Variants in DOCK7 observed in about 807,000 individuals in gnomAD.
DOCK7 encodes dedicator of cytokinesis 7.
DOCK7 carries 138 observed loss-of-function variants against 271.0 expected under a neutral mutation model. The observed-to-expected ratio is 0.51, with a 90% CI of 0.44 to 0.59. DOCK7 has a LOEUF of 0.59. DOCK7 is among the 20% of genes least tolerant of loss of function. The pLI is 0.00. For missense variants in DOCK7, 2,066 were observed against 2,592.4 expected (o/e 0.80, Z 4.41); for synonymous variants, 823 against 876.1 (o/e 0.94, Z 1.07).
intron 14 of DOCK7, chr1:62,598,581 A>G (rs1244808670): frequency 2.9e-6 from 2 of 683,226 alleles, no homozygotes; most frequent in Non-Finnish European, 5.3e-6. Context: ...AATTGCCAAT[A>G]TTCATTTTTC....
intron 4 of DOCK7, among the ~76,000 whole-genome samples, chr1:62,652,778 C>A (rs1441085109): frequency 6.6e-6 from 1 of 152,094 alleles, no homozygotes; most frequent in Non-Finnish European, 1.5e-5. Flanking sequence ...CAGTATTCTT[C>A]AGTAATGTCT....
intron 16 of DOCK7, 32 bp from the exon 17 acceptor site, chr1:62,578,998 C>G: frequency 6.7e-7 from 1 of 1,488,322 alleles, no homozygotes; most frequent in Non-Finnish European, 8.9e-7. Flanking sequence ...AATCAACAGT[C>G]AGTAATTTGT....
chr1:62,552,851 C>T lies in DOCK7; in HGVS notation c.2647G>A (p.Ala883Thr). 6.2e-7 allele frequency: 1 copy of T among 1,613,618 alleles called. No homozygotes were observed. ...SVHYATMARS[A>T]VRPASLNLNR... Reference sequence around the variant, plus strand: ...AAATTAAGGCTTGCAGGTCTCACCGCAGATCTAGCCATTGTGGCATAATGC... The same window carrying T: ...AAATTAAGGCTTGCAGGTCTCACCGTAGATCTAGCCATTGTGGCATAATGC... Residue 883 changes from alanine to threonine, a missense_variant, in exon 22 of 50, where the codon GCG becomes ACG. Ala to Thr is a moderately conservative substitution (Grantham distance 58, BLOSUM62 0). Coordinates refer to ENST00000635253, the MANE Select transcript of DOCK7 (RefSeq NM_001367561.1).
intron 1 of DOCK7, among the ~76,000 whole-genome samples, chr1:62,669,749 G>A (rs1474247586): frequency 1.3e-5 from 2 of 152,372 alleles, no homozygotes; most frequent in South Asian, 2.1e-4. Context: ...GCCCTCGCTT[G>A]CTCTCGGCAC....
intron 14 of DOCK7, among the ~76,000 whole-genome samples, chr1:62,588,239 T>G (rs889802030): frequency 1.3e-5 from 2 of 152,184 alleles, no homozygotes; most frequent in African/African-American, 4.8e-5. Flanking sequence ...TCAGGCATTG[T>G]GTTGGGCACT....
At chr1:62,589,831 G>A (rs188174159) in intron 14 of DOCK7, among the ~76,000 whole-genome samples, 78 of 148,138 alleles carry the variant, frequency 5.3e-4, no homozygotes, top group African/African-American at 1.8e-3. Flanking sequence ...GCAGTGAGCC[G>A]AGATCGCGCC....
At chr1:62,572,871 G>A (rs375479359) in intron 18 of DOCK7, among the ~76,000 whole-genome samples, 1 of 152,238 alleles carries the variant, frequency 6.6e-6, no homozygotes, top group East Asian at 1.9e-4. Flanking sequence ...TTGGAGCCAG[G>A]ATTAAAGCCT....
chr1:62,643,685 CA>C, intron 7 of DOCK7, among the ~76,000 whole-genome samples: 1 of 152,160 alleles, frequency 6.6e-6, no homozygotes, highest in South Asian at 2.1e-4. Context: ...GAACAATTGT[CA>C]GCCATTATCT....
chr1:62,620,895 A>G (rs1007512816), intron 12 of DOCK7, among the ~76,000 whole-genome samples: 22 of 150,648 alleles, frequency 1.5e-4, no homozygotes, highest in African/African-American at 5.1e-4. Flanking sequence ...AAAAAAAAAA[A>G]AAAAAAAAAG....
chr1:62,465,265 T>C (rs998386549), intron 48 of DOCK7, among the ~76,000 whole-genome samples: 3 of 152,188 alleles, frequency 2.0e-5, no homozygotes, highest in Non-Finnish European at 4.4e-5. Flanking sequence ...TTCTCATAGT[T>C]CTTGTGTATT....
At chr1:62,621,966 CCT>C (rs1481784392) in intron 12 of DOCK7, among the ~76,000 whole-genome samples, 2 of 152,098 alleles carry the variant, frequency 1.3e-5, no homozygotes, top group African/African-American at 4.8e-5. Flanking sequence ...TTCTTTACTC[CCT>C]GTTTCCATGC....
chr1:62,460,735 C>G (rs1645500342), intron 48 of DOCK7, among the ~76,000 whole-genome samples: 1 of 152,060 alleles, frequency 6.6e-6, no homozygotes, highest in Non-Finnish European at 1.5e-5. Context: ...CAGCTCACTG[C>G]AGCTTTGATC....
At chr1:62,503,629 T>C (rs1056655375) in intron 37 of DOCK7, among the ~76,000 whole-genome samples, 5 of 151,818 alleles carry the variant, frequency 3.3e-5, no homozygotes, top group African/African-American at 4.8e-5. Context: ...TTTGTAGAGA[T>C]AGGGTTTTAC....
At position 62,620,270 on chromosome 1, in the gene DOCK7, A is replaced by G. The variant is rs41290146; in HGVS notation, c.1426-277T>C. The stretch of plus-strand genomic sequence containing the variant: ...ATGGAGGTTGCAGTGAGCCAAGATC[A>G]CATCACTGCACTCTAGCTGGGGTGA... On this transcript the variant is annotated intron_variant, in intron 12 of 49. Transcript: ENST00000635253. Among the ~76,000 whole-genome samples the G allele has an allele frequency of 0.13, 19,361 of 151,852 alleles. 1,454 individuals carry two copies. Among genetic ancestry groups the G allele is most frequent in the Non-Finnish European group, 0.17 (11,696 of 67,896 alleles).
chr1:62,625,552 A>T (rs1653843069), intron 11 of DOCK7, 151 bp from the exon 12 acceptor site: 1 of 658,434 alleles, frequency 1.5e-6, no homozygotes, highest in African/African-American at 1.8e-5. Context: ...TGGAGAGATT[A>T]GTAAGAAAGT....
chr1:62,571,127 G>T (rs143718950), intron 18 of DOCK7, among the ~76,000 whole-genome samples: 1 of 151,992 alleles, frequency 6.6e-6, no homozygotes, highest in African/African-American at 2.4e-5. Context: ...CAACCTACAC[G>T]ATGGGAGAGA....
chr1:62,645,270 A>G (rs563828018), intron 7 of DOCK7, among the ~76,000 whole-genome samples: 17 of 152,316 alleles, frequency 1.1e-4, no homozygotes, highest in African/African-American at 3.8e-4. Context: ...TTAGCCAAAA[A>G]GTGGAAGCAA....
In DOCK7 at chr1:62,543,642, T is replaced by G. The variant is rs1446889882; in HGVS notation, c.2949+14A>C. 2.5e-6 allele frequency: 4 copies of G among 1,581,038 alleles called. No individual in the cohort carries two copies. Among genetic ancestry groups the G allele is most frequent in the Non-Finnish European group, 3.5e-6 (4 of 1,153,974 alleles). ...TATTTTCCCCCTCTATGAATTGTCTTCATATGAATCTACCTTTTTAGTTGG... is the reference window on the plus strand; with the variant it reads ...TATTTTCCCCCTCTATGAATTGTCTGCATATGAATCTACCTTTTTAGTTGG... On this transcript the variant is annotated intron_variant, in intron 24 of 49. Transcript: ENST00000635253.
At chr1:62,559,421 T>G (rs1646249798) in intron 19 of DOCK7, among the ~76,000 whole-genome samples, 1 of 151,828 alleles carries the variant, frequency 6.6e-6, no homozygotes, top group Non-Finnish European at 1.5e-5. Flanking sequence ...TATTAGTTAC[T>G]TAAGAAAACT....
Sources: gnomAD v4.1 joint callset for allele counts (sites outside exome capture counted in the v4.1 genomes callset) on GRCh38, gnomAD v4.1.1 for gene constraint, MANE v1.5 for transcripts, NCBI Gene and HGNC (gene_info 2026-07-23, HGNC 2026-07-21) for gene names.